The following PLEKHG3 variants were observed in gnomAD, a reference collection of about 807,000 sequenced individuals.
PLEKHG3 encodes pleckstrin homology and RhoGEF domain containing G3.
In PLEKHG3, 62 loss-of-function variants were observed where a neutral mutation model predicts 94.9. The observed-to-expected ratio is 0.65, with a 90% CI of 0.53 to 0.81. The LOEUF (loss-of-function observed/expected upper bound fraction) is 0.81. Among genes scored for constraint, PLEKHG3 ranks in the 30% least tolerant of loss-of-function variants. The pLI is 0.00. For missense variants in PLEKHG3, 1,461 were observed against 1,619.3 expected, an observed-to-expected ratio of 0.90 and a Z score of 1.68; for synonymous variants, 614 against 654.0, an observed-to-expected ratio of 0.94 and a Z score of 0.93.
chr14:64,728,126 TGACC>T lies in PLEKHG3; in HGVS notation c.351+145_351+148del. 5 of 608,392 alleles carry T rather than the reference TGACC, an allele frequency of 8.2e-6. No individual in the cohort carries two copies. The highest frequency in any genetic ancestry group is 4.4e-5 in the South Asian group (2 of 45,922). 37.7% of individuals were successfully genotyped at this position (608,392 alleles called of 1,614,324 possible). On this transcript the variant is annotated intron_variant, in intron 2 of 16. Transcript: ENST00000247226. The surrounding 1 kb of genome is among the most constrained non-coding windows in gnomAD (Gnocchi z 5.9). The stretch of plus-strand genomic sequence containing the variant: ...TCGCTGACTGCACTGTGAAAGCTGT[TGACC>T]CCTGAGGCTTCCCTAGGACCTTGGG...
In PLEKHG3 at chr14:64,741,503, C is replaced by T; in HGVS notation, c.1986C>T (p.Ser662=). 1 of 1,612,882 alleles carries T rather than the reference C, an allele frequency of 6.2e-7. No homozygotes were observed. Among genetic ancestry groups the T allele is most frequent in the South Asian group, 1.1e-5 (1 of 91,080 alleles). ...ARHGSATDSL[S]CQLSPEVDIS... The stretch of plus-strand genomic sequence containing the variant: ...ATGGCAGTGCCACAGACTCCCTCAG[C>T]TGTCAGCTCTCCCCAGAAGTGGACA... Residue 662 remains serine, a synonymous_variant, in exon 16 of 17, where the codon AGC becomes AGT. Transcript: ENST00000247226.
In PLEKHG3 at chr14:64,738,279, G is replaced by C; in HGVS notation, c.1405-463G>C. 5.2e-6 allele frequency: 6 copies of C among 1,164,722 alleles called. No homozygotes were observed. Among genetic ancestry groups the C allele is most frequent in the Non-Finnish European group, 6.8e-6 (6 of 881,824 alleles). The allele number at this position is 1,164,722 out of a possible 1,614,324, so 72.1% of individuals were successfully genotyped here. A position where few individuals can be genotyped will look rare whatever the true frequency, so the allele number is the denominator to read the frequency against. ...CTTGCATGCTCCCTGGGATGTGCAT[G>C]CCCACCCGAGGGCCCCCTCTGCTGC... is the stretch of plus-strand genomic sequence containing the variant. On this transcript the variant is annotated intron_variant, in intron 14 of 16. Coordinates refer to ENST00000247226, the MANE Select transcript of PLEKHG3 (RefSeq NM_001308147.2). This position sits in a 1 kb window ranked among gnomAD's most constrained non-coding sequence, Gnocchi z 4.8.
At chr14:64,724,653 G>A (rs1048285514) in intron 1 of PLEKHG3, among the ~76,000 whole-genome samples, 4 of 152,234 alleles carry the variant, frequency 2.6e-5, no homozygotes, top group African/African-American at 9.6e-5. Context: ...CCTTCCGAGT[G>A]TCATGTCATA....
rs1416950231 is a variant in PLEKHG3, at chr14:64,715,298, G to C, written c.-40+10594G>C. Among the ~76,000 whole-genome samples, 1 of 152,230 alleles carries C rather than the reference G, an allele frequency of 6.6e-6. No individual in the cohort carries two copies. ...TTCTTGGCTTCGTCTCTCGGGCCAT[G>C]TGGGAGGTTGTGGAGAGAATGGTGA... On this transcript the variant is annotated intron_variant, in intron 1 of 16. Transcript: ENST00000247226. The surrounding 1 kb of genome is among the most constrained non-coding windows in gnomAD (Gnocchi z 4.4).
rs1031368941 is a variant in PLEKHG3 at position 64,723,127 on chromosome 14, A to C, written c.-39-4466A>C. 1.3e-5 allele frequency among the ~76,000 whole-genome samples: 2 copies of C among 152,048 alleles called. No homozygotes were observed. The highest frequency in any genetic ancestry group is 4.8e-5 in the African/African-American group (2 of 41,368). ...CCTCTGCACCTGCAATATTCAGGGA[A>C]GCTCCTCCAGAGGGTAGGTGTGGGT... On this transcript the variant is annotated intron_variant, in intron 1 of 16. Coordinates refer to ENST00000247226, the MANE Select transcript of PLEKHG3 (RefSeq NM_001308147.2). This position sits in a 1 kb window ranked among gnomAD's most constrained non-coding sequence, Gnocchi z 4.5.
rs2081495292 is a variant in PLEKHG3, at chr14:64,732,820, T to C, written c.1264T>C (p.Cys422Arg). 3.7e-6 allele frequency: 6 copies of C among 1,608,762 alleles called. No individual in the cohort carries two copies. The highest frequency in any genetic ancestry group is 5.1e-6 in the Non-Finnish European group (6 of 1,178,196). Residue 422 changes from cysteine to arginine, a missense_variant, in exon 12 of 17, where the codon TGC becomes CGC. By Grantham distance (180) the Cys-to-Arg change is radical. Coordinates refer to ENST00000247226, the MANE Select transcript of PLEKHG3 (RefSeq NM_001308147.2). This position sits in a 1 kb window ranked among gnomAD's most constrained non-coding sequence, Gnocchi z 4.9. ...MDSYYPNRYRCSPERLKKAWS... is the reference protein window; with the variant it reads ...MDSYYPNRYRRSPERLKKAWS... ...GGGTGCAGATCCCAATCGGTACCGC[T>C]GCAGCCCAGAGCGGCTGAAGAAGGC...
At chr14:64,735,981 G>C (rs1044418607) in intron 12 of PLEKHG3, among the ~76,000 whole-genome samples, 13 of 152,250 alleles carry the variant, frequency 8.5e-5, no homozygotes, top group African/African-American at 3.1e-4. Flanking sequence ...GTGTATGTAT[G>C]TTGTGTGTGT....
intron 3 of PLEKHG3, among the ~76,000 whole-genome samples, chr14:64,729,666 G>A (rs1308374065): frequency 6.6e-6 from 1 of 152,202 alleles, no homozygotes; most frequent in Admixed American, 6.5e-5. Context: ...GCTAGGACAG[G>A]AAGAATCGTA....
chr14:64,732,872 C>T lies in PLEKHG3; in HGVS notation c.1316C>T (p.Thr439Ile), dbSNP rs553183358. 65 of 1,609,640 alleles carry T rather than the reference C, an allele frequency of 4.0e-5. No homozygotes were observed. In the South Asian group the frequency reaches 6.7e-4, roughly 17 times the overall value. ...KAWSSQDEVS[T>I]NVRQGRRQSE... ...TGGTCCTCCCAGGATGAGGTGTCCACCAATGTGCGCCAGGGGCGCCGGCAA... is the reference window on the plus strand; with the variant it reads ...TGGTCCTCCCAGGATGAGGTGTCCATCAATGTGCGCCAGGGGCGCCGGCAA... The change falls in exon 12 of 17, where the codon ACC becomes ATC. Residue 439 changes from threonine (T) to isoleucine (I), a missense_variant. Coordinates refer to ENST00000247226, the MANE Select transcript of PLEKHG3 (RefSeq NM_001308147.2). The surrounding 1 kb of genome is among the most constrained non-coding windows in gnomAD (Gnocchi z 4.9).
In PLEKHG3 at chr14:64,727,506, A is replaced by ACCTTCCCCCCCCC; in HGVS notation, c.-39-84_-39-83insTCCCCCCCCCCCT. On this transcript the variant is annotated intron_variant, in intron 1 of 16. Transcript: ENST00000247226. The surrounding 1 kb of genome is among the most constrained non-coding windows in gnomAD (Gnocchi z 6.0). The stretch of plus-strand genomic sequence containing the variant: ...GCACTAAATAATACCTTCCCACCCC[A>ACCTTCCCCCCCCC]CCTGCCCCCACCCCTGGCAACCGTC... 4 of 297,228 alleles carry ACCTTCCCCCCCCC rather than the reference A, an allele frequency of 1.3e-5. No individual in the cohort carries two copies. Among genetic ancestry groups the ACCTTCCCCCCCCC allele is most frequent in the Non-Finnish European group, 2.6e-5 (4 of 152,984 alleles). The allele number at this position is 297,228 out of a possible 1,614,324, so 18.4% of individuals were successfully genotyped here.
rs756449352 is a variant in PLEKHG3 at position 64,743,054 on chromosome 14, C to T, written c.3011C>T (p.Pro1004Leu). 3.0e-5 allele frequency: 48 copies of T among 1,613,234 alleles called. No individual in the cohort carries two copies. Among genetic ancestry groups the T allele is most frequent in the Non-Finnish European group, 4.0e-5 (47 of 1,179,944 alleles). ...LMAQEHSPPK[P>L]SSAGEMSPQR... ...GCCCAGGAGCACAGCCCTCCCAAGC[C>T]CTCCTCGGCTGGGGAGATGTCACCA... Residue 1004 changes from proline (P) to leucine (L), a missense_variant, in exon 17 of 17, where the codon CCC becomes CTC. By Grantham distance (98) the Pro-to-Leu change is moderately conservative. Around this residue, in one of 3 missense-constraint regions of PLEKHG3, gnomAD observed 1,201 missense variants for 1,295.5 expected, o/e 0.93. Coordinates refer to ENST00000247226, the MANE Select transcript of PLEKHG3 (RefSeq NM_001308147.2). This position sits in a 1 kb window ranked among gnomAD's most constrained non-coding sequence, Gnocchi z 7.2.
intron 12 of PLEKHG3, among the ~76,000 whole-genome samples, chr14:64,733,913 GT>G (rs1247149476): frequency 6.6e-6 from 1 of 152,212 alleles, no homozygotes; most frequent in African/African-American, 2.4e-5. Flanking sequence ...TAAGCCAGGT[GT>G]CTGCCAAACA....
Position 64,729,847 on chromosome 14 carries a change from GTC to G in PLEKHG3, c.450-391_450-390del, listed in dbSNP as rs2081425538. 3.3e-5 allele frequency among the ~76,000 whole-genome samples: 5 copies of G among 152,276 alleles called. No individual in the cohort carries two copies. The South Asian group carries it at 1.0e-3, about 32-fold the overall frequency. On this transcript the variant is annotated intron_variant, in intron 3 of 16. Transcript: ENST00000247226. ...TTTCTAGGGGTGCCAGGACTCACCT[GTC>G]TCTCCCCATGTCCCACATCCTGGGC...
chr14:64,738,144 G>A lies in PLEKHG3; in HGVS notation c.1405-598G>A, dbSNP rs760727846. 1.3e-5 allele frequency: 17 copies of A among 1,296,970 alleles called. No individual in the cohort carries two copies. The Admixed American group carries it at 2.0e-4, about 15-fold the overall frequency. The allele number at this position is 1,296,970 out of a possible 1,614,324, so 80.3% of individuals were successfully genotyped here. A position where few individuals can be genotyped will look rare whatever the true frequency, so the allele number is the denominator to read the frequency against. ...CCTGGCGGTGGCGGAGCAGGTAGCC[G>A]ACTTTGCCAGCTCCCTGCTGGCCGC... On this transcript the variant is annotated intron_variant, in intron 14 of 16. Transcript: ENST00000247226. This position sits in a 1 kb window ranked among gnomAD's most constrained non-coding sequence, Gnocchi z 4.8.
chr14:64,736,859 C>A lies in PLEKHG3; in HGVS notation c.1352C>A (p.Thr451Asn). ...CTCATGCTTTCCTCCTCAGAGCCAACCAAACACCTGCTCAGGCAACTCAAC... is the reference window on the plus strand; with the variant it reads ...CTCATGCTTTCCTCCTCAGAGCCAAACAAACACCTGCTCAGGCAACTCAAC... ...VRQGRRQSEPTKHLLRQLNEK... is the reference protein window; with the variant it reads ...VRQGRRQSEPNKHLLRQLNEK... Residue 451 changes from threonine to asparagine, a missense_variant, in exon 13 of 17, where the codon ACC becomes AAC. Around this residue, in one of 3 missense-constraint regions of PLEKHG3, gnomAD observed 1,201 missense variants for 1,295.5 expected, o/e 0.93. Transcript: ENST00000247226. 1.2e-6 allele frequency: 2 copies of A among 1,613,048 alleles called. No homozygotes were observed. Among genetic ancestry groups the A allele is most frequent in the Non-Finnish European group, 1.7e-6 (2 of 1,179,108 alleles).
At position 64,726,623 on chromosome 14, in the gene PLEKHG3, GCT is replaced by G. The variant is rs1883711700; in HGVS notation, c.-39-967_-39-966del. On this transcript the variant is annotated intron_variant, in intron 1 of 16. Transcript: ENST00000247226. This position sits in a 1 kb window ranked among gnomAD's most constrained non-coding sequence, Gnocchi z 5.1. ...GCTTTGGGAATAAAGTCCACCTGAG[GCT>G]CTGTTTGCCTCACCTGGGTGCAGTT... Among the ~76,000 whole-genome samples, 1 of 152,178 alleles carries G rather than the reference GCT, an allele frequency of 6.6e-6. No homozygotes were observed. Among genetic ancestry groups the G allele is most frequent in the South Asian group, 2.1e-4 (1 of 4,830 alleles).
intron 14 of PLEKHG3, chr14:64,737,987 G>GGAC (rs2081607588): frequency 8.0e-7 from 1 of 1,250,622 alleles, no homozygotes; most frequent in Non-Finnish European, 1.0e-6. Context: ...TGGAGGAGGA[G>GGAC]GAGGAGGAGG....
rs1187312448 is a variant in PLEKHG3 at position 64,728,360 on chromosome 14, G to A, written c.351+378G>A. Among the ~76,000 whole-genome samples, 3 of 152,232 alleles carry A rather than the reference G, an allele frequency of 2.0e-5. No individual in the cohort carries two copies. Among genetic ancestry groups the A allele is most frequent in the Non-Finnish European group, 2.9e-5 (2 of 68,030 alleles). Reference sequence around the variant, plus strand: ...AGGTTCCTCCTCTGTAAGAGGAAGCGACACCTACCTTGTAGGTGAAGGGCA... The same window carrying A: ...AGGTTCCTCCTCTGTAAGAGGAAGCAACACCTACCTTGTAGGTGAAGGGCA... On this transcript the variant is annotated intron_variant, in intron 2 of 16. Coordinates refer to ENST00000247226, the MANE Select transcript of PLEKHG3 (RefSeq NM_001308147.2). This position sits in a 1 kb window ranked among gnomAD's most constrained non-coding sequence, Gnocchi z 5.9.
chr14:64,711,467 G>C (rs549186600), intron 1 of PLEKHG3, among the ~76,000 whole-genome samples: 102 of 151,086 alleles, frequency 6.8e-4, no homozygotes, highest in African/African-American at 2.3e-3. Flanking sequence ...AGGCTGGAGT[G>C]CAGTGGCATG....
Sources: allele counts gnomAD v4.1 joint callset (sites outside exome capture counted in the v4.1 genomes callset), GRCh38; gene constraint gnomAD v4.1.1; regional missense constraint gnomAD v4.1.1; non-coding constraint Gnocchi (gnomAD v3.1); transcripts MANE v1.5; gene names NCBI Gene and HGNC (gene_info 2026-07-23, HGNC 2026-07-21).